Variants in FMN2 observed in about 807,000 individuals in gnomAD.
FMN2 encodes formin-2.
A neutral mutation model predicts 142.3 loss-of-function variants in FMN2; 51 were observed. The observed-to-expected ratio is 0.36, with a 90% confidence interval of 0.29 to 0.45. The LOEUF is 0.45. FMN2 is among the 20% of genes least tolerant of loss of function. FMN2 has a pLI of 1.00. For missense variants in FMN2, 1,936 were observed against 2,122.8 expected (o/e 0.91, Z 1.73); for synonymous variants, 882 against 869.8 (o/e 1.01, Z -0.25).
chr1:240,205,556 G>A (rs1458272860), intron 4 of FMN2, among the ~76,000 whole-genome samples: 1 of 147,618 alleles, frequency 6.8e-6, no homozygotes, highest in Non-Finnish European at 1.5e-5. Context: ...CCGCCTCCCA[G>A]GTTCATGCCA....
chr1:240,430,400 A>G (rs1675122155), intron 15 of FMN2, among the ~76,000 whole-genome samples: 1 of 152,112 alleles, frequency 6.6e-6, no homozygotes, highest in Non-Finnish European at 1.5e-5. Flanking sequence ...CATTCTCCCC[A>G]ACATGTGAGA....
At chr1:240,380,444 A>G (rs1399293073) in intron 14 of FMN2, among the ~76,000 whole-genome samples, 1 of 152,166 alleles carries the variant, frequency 6.6e-6, no homozygotes, top group Admixed American at 6.5e-5. Flanking sequence ...GAATGAAACT[A>G]GATACAACTG....
chr1:240,392,458 A>C, intron 14 of FMN2, 53 bp from the exon 15 acceptor site: 1 of 1,446,908 alleles, frequency 6.9e-7, no homozygotes, highest in Admixed American at 1.7e-5. Context: ...TGCTTGAAAT[A>C]GTGTAACAAC....
At chr1:240,454,355 A>G (rs1489897454) in intron 16 of FMN2, among the ~76,000 whole-genome samples, 1 of 152,152 alleles carries the variant, frequency 6.6e-6, no homozygotes, top group African/African-American at 2.4e-5. Context: ...CAGCCTGGCC[A>G]ACATGGCAAA....
At position 240,370,525 on chromosome 1, in the gene FMN2, A is replaced by G. The variant is rs967859960; in HGVS notation, c.4858+14617A>G. ...TCTCACAATTCACATTTGGTACTGT[A>G]CAGCCCGAAATGTTGAGCTGCTGGG... is the stretch of plus-strand genomic sequence containing the variant. On this transcript the variant is annotated intron_variant, in intron 14 of 17. Transcript: ENST00000319653. 1.2e-4 allele frequency among the ~76,000 whole-genome samples: 18 copies of G among 152,168 alleles called. 1 individual carries two copies. The highest frequency in any genetic ancestry group is 2.6e-4 in the Non-Finnish European group (18 of 68,038).
chr1:240,234,850 A>T (rs1667649504), intron 6 of FMN2, among the ~76,000 whole-genome samples: 1 of 152,066 alleles, frequency 6.6e-6, no homozygotes, highest in South Asian at 2.1e-4. Flanking sequence ...ATATAAAAAT[A>T]TTTTTTTCAT....
chr1:240,323,198 TCTCTCTCTCACACTCTCA>T (rs1176660827), intron 8 of FMN2, among the ~76,000 whole-genome samples: 3 of 151,134 alleles, frequency 2.0e-5, no homozygotes, highest in African/African-American at 7.3e-5. Context: ...TTTCTTTCTC[TCTCTCTCTCACACTCTCA>T]CTCTCTCTCA....
intron 3 of FMN2, among the ~76,000 whole-genome samples, chr1:240,181,935 A>T (rs1267473465): frequency 6.6e-6 from 1 of 152,098 alleles, no homozygotes; most frequent in Non-Finnish European, 1.5e-5. Flanking sequence ...TGTCATCTGA[A>T]TGCTTTACGT....
intron 8 of FMN2, among the ~76,000 whole-genome samples, chr1:240,302,879 C>G (rs886462293): frequency 2.6e-5 from 4 of 151,988 alleles, no homozygotes; most frequent in African/African-American, 4.8e-5. Context: ...ATTTCTTTCA[C>G]ATAAAAATGT....
At chr1:240,430,561 A>C (rs1439066296) in intron 15 of FMN2, among the ~76,000 whole-genome samples, 1 of 151,882 alleles carries the variant, frequency 6.6e-6, no homozygotes, top group Non-Finnish European at 1.5e-5. Context: ...TTATGTAATA[A>C]ATTTTGTTTG....
At position 240,467,277 on chromosome 1, in the gene FMN2, C is replaced by CTTTTT. The variant is rs35875922; in HGVS notation, c.5061-5084_5061-5080dup. 6.0e-3 allele frequency among the ~76,000 whole-genome samples: 843 copies of CTTTTT among 140,906 alleles called. 15 individuals carry two copies. Among genetic ancestry groups the CTTTTT allele is most frequent in the African/African-American group, 0.021 (807 of 37,842 alleles). 92.4% of individuals were successfully genotyped at this position (140,906 alleles called of 152,430 possible). On this transcript the variant is annotated intron_variant, in intron 16 of 17. Transcript: ENST00000319653. ...CCATCAACTAAAAGTTAAATCGTTC[C>CTTTTT]TTTTTTTTTTTTTTTGAGACAGAGT...
intron 1 of FMN2, among the ~76,000 whole-genome samples, chr1:240,095,868 T>C (rs1661179724): frequency 6.6e-6 from 1 of 152,094 alleles, no homozygotes; most frequent in African/African-American, 2.4e-5. Flanking sequence ...CCTCTCCAGG[T>C]GATTTGTTTT....
intron 1 of FMN2, among the ~76,000 whole-genome samples, chr1:240,122,773 C>G (rs2103218366): frequency 6.6e-6 from 1 of 152,110 alleles, no homozygotes; most frequent in South Asian, 2.1e-4. Flanking sequence ...AAAATCTGAG[C>G]TGGGCGTGGT....
chr1:240,140,660 C>A (rs1337330451), intron 2 of FMN2, among the ~76,000 whole-genome samples: 1 of 139,392 alleles, frequency 7.2e-6, no homozygotes, highest in African/African-American at 2.6e-5. Flanking sequence ...AGGTTAAATT[C>A]TGTGGGGGGT....
intron 2 of FMN2, chr1:240,171,409 C>G (rs1410223309): frequency 2.1e-6 from 1 of 487,748 alleles, no homozygotes; most frequent in Non-Finnish European, 3.8e-6. Context: ...GTGTGATGTG[C>G]GTCATTCATG....
chr1:240,464,953 G>A (rs1401961855), intron 16 of FMN2, among the ~76,000 whole-genome samples: 1 of 152,288 alleles, frequency 6.6e-6, no homozygotes, highest in Non-Finnish European at 1.5e-5. Context: ...TCTCAGTGAT[G>A]AAATTTATAA....
chr1:240,392,559 A>G lies in FMN2; in HGVS notation c.4907A>G (p.Lys1636Arg). 6.2e-7 allele frequency: 1 copy of G among 1,607,236 alleles called. No individual in the cohort carries two copies. Among genetic ancestry groups the G allele is most frequent in the Non-Finnish European group, 8.5e-7 (1 of 1,176,778 alleles). ...AEENSLTETH[K>R]CFLETTAYFF... ...GAAAATTCACTGACAGAGACTCATAAATGGTGAGAAATTACTTTATTTCCT... is the reference window on the plus strand; with the variant it reads ...GAAAATTCACTGACAGAGACTCATAGATGGTGAGAAATTACTTTATTTCCT... The change falls in exon 15 of 18, where the codon AAA becomes AGA. Residue 1636 changes from lysine to arginine, a missense_variant. Physicochemically the swap from Lys to Arg is conservative, Grantham distance 26. Transcript: ENST00000319653.
At chr1:240,312,146 G>GT in intron 8 of FMN2, among the ~76,000 whole-genome samples, 1 of 152,168 alleles carries the variant, frequency 6.6e-6, no homozygotes, top group East Asian at 1.9e-4. Flanking sequence ...CTTCACATTT[G>GT]TTTTTAGTTT....
intron 6 of FMN2, among the ~76,000 whole-genome samples, chr1:240,242,444 A>T (rs1667942888): frequency 6.6e-6 from 1 of 152,162 alleles, no homozygotes; most frequent in Non-Finnish European, 1.5e-5. Context: ...GAACAACCCG[A>T]GGGATGGGAC....
Sources: allele counts gnomAD v4.1 joint callset (sites outside exome capture counted in the v4.1 genomes callset), GRCh38; gene constraint gnomAD v4.1.1; transcripts MANE v1.5; gene names NCBI Gene and HGNC (gene_info 2026-07-23, HGNC 2026-07-21).